EFCAB13: variants seen among roughly 807,000 people sequenced by gnomAD.
EFCAB13 encodes the protein EF-hand calcium-binding domain-containing protein 13.
A neutral mutation model predicts 110.2 loss-of-function variants in EFCAB13; 91 were observed. The observed-to-expected ratio is 0.83, with a 90% CI of 0.70 to 0.98. EFCAB13 has a LOEUF of 0.98. EFCAB13 is among the 50% of genes least tolerant of loss of function. EFCAB13 has a pLI of 0.00. For missense variants in EFCAB13, 968 were observed against 1,119.4 expected (o/e 0.86, Z 1.93); for synonymous variants, 323 against 369.9 (o/e 0.87, Z 1.45).
rs1270315994 is a variant in EFCAB13, at chr17:47,431,339, A to G, written c.2638+1378A>G. Reference sequence around the variant, plus strand: ...TTTTCAGTCAGCTTCCCTAGGGTGAATATATCCCAATTTCTAGTGATGAAT... The same window carrying G: ...TTTTCAGTCAGCTTCCCTAGGGTGAGTATATCCCAATTTCTAGTGATGAAT... On this transcript the variant is annotated intron_variant, in intron 24 of 24. Transcript: ENST00000331493. The surrounding 1 kb of genome is among the most constrained non-coding windows in gnomAD (Gnocchi z 4.1). 1.3e-5 allele frequency among the ~76,000 whole-genome samples: 2 copies of G among 151,446 alleles called. No homozygotes were observed. Among genetic ancestry groups the G allele is most frequent in the African/African-American group, 2.4e-5 (1 of 41,204 alleles).
At chr17:47,361,584 T>C in intron 10 of EFCAB13, 63 bp downstream of exon 10, 1 of 1,423,554 alleles carries the variant, frequency 7.0e-7, no homozygotes, top group South Asian at 1.4e-5. Context: ...TACATTTTTT[T>C]CCGGATATCA....
At chr17:47,336,654 T>C (rs1277204410) in intron 5 of EFCAB13, among the ~76,000 whole-genome samples, 2 of 147,312 alleles carry the variant, frequency 1.4e-5, no homozygotes, top group Non-Finnish European at 3.0e-5. Context: ...TTGGCTAGGC[T>C]GGTCTTGAAC....
intron 20 of EFCAB13, among the ~76,000 whole-genome samples, chr17:47,408,556 G>A (rs1054984665): frequency 3.3e-5 from 5 of 152,180 alleles, no homozygotes; most frequent in Non-Finnish European, 4.4e-5. Context: ...GGGAGGCTGA[G>A]GCACGAGAAT....
intron 3 of EFCAB13, chr17:47,327,900 T>G (rs1407678544): frequency 2.0e-5 from 4 of 199,250 alleles, no homozygotes; most frequent in African/African-American, 9.2e-5. Context: ...CTTGACCTCT[T>G]CAAGTCTTTA....
rs548271723 is a variant in EFCAB13, at chr17:47,424,874, C to CTT, written c.2495-4919_2495-4918dup. Reference sequence around the variant, plus strand: ...AGGATTTCTTTCTCCGGTTGACAATCTTTTTTTTTTTTTTTTTTTTTTTTT... The same window carrying CTT: ...AGGATTTCTTTCTCCGGTTGACAATCTTTTTTTTTTTTTTTTTTTTTTTTTTT... On this transcript the variant is annotated intron_variant, in intron 23 of 24. Coordinates refer to ENST00000331493, the MANE Select transcript of EFCAB13 (RefSeq NM_152347.5). Among the ~76,000 whole-genome samples, 184 of 36,900 alleles carry CTT rather than the reference C, an allele frequency of 5.0e-3. 40 individuals carry two copies. The highest frequency in any genetic ancestry group is 0.012 in the South Asian group (12 of 988). The allele number at this position is 36,900 out of a possible 152,430, so 24.2% of individuals were successfully genotyped here. A position where few individuals can be genotyped will look rare whatever the true frequency, so the allele number is the denominator to read the frequency against.
intron 13 of EFCAB13, 128 bp downstream of exon 13, chr17:47,378,031 T>C: frequency 1.2e-6 from 1 of 863,324 alleles, no homozygotes; most frequent in Non-Finnish European, 1.7e-6. Flanking sequence ...CTAAAGAAAA[T>C]TCAGATATAA....
chr17:47,351,831 C>T (rs992913804), intron 9 of EFCAB13, among the ~76,000 whole-genome samples: 2 of 149,052 alleles, frequency 1.3e-5, no homozygotes, highest in Non-Finnish European at 3.0e-5. Flanking sequence ...CTTGTGCTTT[C>T]GAGTTCTTAG....
At chr17:47,343,285 AT>A (rs907471182) in intron 6 of EFCAB13, among the ~76,000 whole-genome samples, 1 of 152,072 alleles carries the variant, frequency 6.6e-6, no homozygotes, top group Non-Finnish European at 1.5e-5. Context: ...TTTTAAATGA[AT>A]TTTTTGGTTT....
Position 47,440,770 on chromosome 17 carries a change from A to G in EFCAB13, c.*56A>G, listed in dbSNP as rs963197340. On this transcript the variant is annotated 3_prime_UTR_variant, in exon 25 of 25. Transcript: ENST00000331493. ...CTAGATTATATATTATTCAGTATGC[A>G]TATTTGACTTCTGAAATTATTAGAA... 2.3e-6 allele frequency: 3 copies of G among 1,313,520 alleles called. No individual in the cohort carries two copies. Among genetic ancestry groups the G allele is most frequent in the Admixed American group, 5.4e-5 (2 of 37,118 alleles). The allele number at this position is 1,313,520 out of a possible 1,614,324, so 81.4% of individuals were successfully genotyped here.
chr17:47,415,852 A>T (rs1904425017), intron 23 of EFCAB13, among the ~76,000 whole-genome samples: 1 of 152,090 alleles, frequency 6.6e-6, no homozygotes, highest in South Asian at 2.1e-4. Flanking sequence ...TGTCCCTGCT[A>T]TTTAAAGACT....
chr17:47,331,747 T>C (rs368074258), intron 4 of EFCAB13, among the ~76,000 whole-genome samples: 57 of 152,216 alleles, frequency 3.7e-4, no homozygotes, highest in African/African-American at 1.3e-3. Flanking sequence ...CCTTCCCCCA[T>C]CCCCTGGCAA....
At chr17:47,361,893 G>A (rs924761275) in intron 10 of EFCAB13, among the ~76,000 whole-genome samples, 5 of 152,112 alleles carry the variant, frequency 3.3e-5, no homozygotes, top group African/African-American at 1.2e-4. Flanking sequence ...ATTTTATTAT[G>A]TAGCTTTGAT....
chr17:47,430,928 A>C (rs114587269), intron 24 of EFCAB13, among the ~76,000 whole-genome samples: 3,983 of 152,198 alleles, frequency 0.026, 177 homozygotes, highest in African/African-American at 0.091. Context: ...CAAAAGGCTG[A>C]TAAGTGATTA....
At chr17:47,424,247 G>A (rs1242358433) in intron 23 of EFCAB13, among the ~76,000 whole-genome samples, 7 of 152,218 alleles carry the variant, frequency 4.6e-5, no homozygotes, top group Admixed American at 4.6e-4. Flanking sequence ...GAGCGGCTCG[G>A]AGTGGCCCCT....
At chr17:47,333,695 T>G (rs1567779337) in intron 4 of EFCAB13, among the ~76,000 whole-genome samples, 1 of 152,226 alleles carries the variant, frequency 6.6e-6, no homozygotes, top group Non-Finnish European at 1.5e-5. Context: ...AGACTGTTCT[T>G]TCCCCATTGT....
chr17:47,374,396 G>A, intron 11 of EFCAB13, 76 bp from the exon 12 acceptor site: 1 of 1,210,486 alleles, frequency 8.3e-7, no homozygotes, highest in Non-Finnish European at 1.1e-6. Context: ...GTTTTCATGA[G>A]GACTTAGTTG....
At chr17:47,393,706 ACT>A (rs1312890383) in intron 15 of EFCAB13, among the ~76,000 whole-genome samples, 1 of 143,286 alleles carries the variant, frequency 7.0e-6, no homozygotes, top group African/African-American at 2.7e-5. Context: ...ACAGAGTGAG[ACT>A]CTTTCTCAAA....
In EFCAB13 at chr17:47,384,870, C is replaced by T. The variant is rs1010343001; in HGVS notation, c.1582+5617C>T. On this transcript the variant is annotated intron_variant, in intron 14 of 24. Coordinates refer to ENST00000331493, the MANE Select transcript of EFCAB13 (RefSeq NM_152347.5). ...CTGCAAGCTCCGCCTCCTGGGTTCA[C>T]GCCATTCTCCTGCCTCAGCCTCCCA... Among the ~76,000 whole-genome samples the T allele has an allele frequency of 3.3e-5, 5 of 151,994 alleles. No homozygotes were observed. In the South Asian group the frequency reaches 6.3e-4, roughly 19 times the overall value.
intron 5 of EFCAB13, among the ~76,000 whole-genome samples, chr17:47,339,356 G>T (rs1473925141): frequency 6.6e-6 from 1 of 152,156 alleles, no homozygotes; most frequent in Non-Finnish European, 1.5e-5. Flanking sequence ...TGGACGAGGG[G>T]ATGGGGAGGA....
Sources: allele counts gnomAD v4.1 joint callset (sites outside exome capture counted in the v4.1 genomes callset), GRCh38; gene constraint gnomAD v4.1.1; non-coding constraint Gnocchi (gnomAD v3.1); transcripts MANE v1.5; gene names NCBI Gene and HGNC (gene_info 2026-07-23, HGNC 2026-07-21).